The following KCND3 variants were observed in gnomAD, a reference collection of about 807,000 sequenced individuals.
KCND3 encodes A-type voltage-gated potassium channel KCND3.
Under a neutral mutation model 51.1 loss-of-function variants are expected in KCND3, and 9 were observed. The ratio of observed to expected loss-of-function variants is 0.18; its 90% CI spans 0.11 to 0.31. The LOEUF (loss-of-function observed/expected upper bound fraction) is 0.31, where lower values mean the gene tolerates loss of function less well. Among genes scored for constraint, KCND3 ranks in the 10% least tolerant of loss-of-function variants. KCND3 has a pLI of 1.00. For missense variants in KCND3, 526 were observed against 903.8 expected (o/e 0.58, Z 5.36); for synonymous variants, 349 against 368.0 (o/e 0.95, Z 0.59).
intron 2 of KCND3, among the ~76,000 whole-genome samples, chr1:111,884,620 G>A (rs1203219684): frequency 6.6e-6 from 1 of 152,172 alleles, no homozygotes; most frequent in African/African-American, 2.4e-5. Flanking sequence ...CCCATGAGAG[G>A]AGCAGTCCCC....
chr1:111,793,783 T>A (rs1442656634), intron 2 of KCND3, among the ~76,000 whole-genome samples: 1 of 152,150 alleles, frequency 6.6e-6, no homozygotes, highest in African/African-American at 2.4e-5. Context: ...CTCTGTGGAA[T>A]TTTGAAGAAA....
chr1:111,988,876 T>C (rs1675461625), intron 1 of KCND3: 2 of 152,300 alleles, frequency 1.3e-5, no homozygotes, highest in Admixed American at 1.3e-4. Context: ...CGCAGGAATT[T>C]AGTTGAGTCC....
intron 2 of KCND3, among the ~76,000 whole-genome samples, chr1:111,857,503 C>T (rs911682255): frequency 1.3e-5 from 2 of 152,154 alleles, no homozygotes; most frequent in Non-Finnish European, 2.9e-5. Context: ...AGTAAATACC[C>T]GTCGCTTATG....
chr1:111,880,078 G>A (rs180920338), intron 2 of KCND3, among the ~76,000 whole-genome samples: 178 of 152,290 alleles, frequency 1.2e-3, no homozygotes, highest in African/African-American at 4.0e-3. Flanking sequence ...CTATAGTAGC[G>A]CTATATACAC....
intron 2 of KCND3, among the ~76,000 whole-genome samples, chr1:111,799,331 CTAAAAATAAAGCA>C (rs987474864): frequency 6.6e-6 from 1 of 152,096 alleles, no homozygotes; most frequent in African/African-American, 2.4e-5. Flanking sequence ...GAAATGTTTT[CTAAAAATAAAGCA>C]TAAAATCACA....
intron 2 of KCND3, among the ~76,000 whole-genome samples, chr1:111,965,822 C>T (rs538665581): frequency 2.6e-4 from 40 of 152,206 alleles, no homozygotes; most frequent in South Asian, 1.0e-3. Flanking sequence ...CATGTGCAGG[C>T]GCCTCTCCCT....
intron 2 of KCND3, among the ~76,000 whole-genome samples, chr1:111,886,035 C>A (rs547099409): frequency 6.2e-4 from 94 of 152,310 alleles, no homozygotes; most frequent in Non-Finnish European, 1.1e-3. Flanking sequence ...AAAAACAGAA[C>A]TCAACCTATA....
At chr1:111,879,726 T>C (rs189200535) in intron 2 of KCND3, among the ~76,000 whole-genome samples, 4 of 152,356 alleles carry the variant, frequency 2.6e-5, no homozygotes, top group African/African-American at 9.6e-5. Context: ...AGGGTACCAC[T>C]ATGAGTGTCT....
intron 2 of KCND3, among the ~76,000 whole-genome samples, chr1:111,792,074 A>T (rs1168237678): frequency 6.6e-6 from 1 of 152,214 alleles, no homozygotes; most frequent in Non-Finnish European, 1.5e-5. Flanking sequence ...ACACTGATTA[A>T]CTGGATCATG....
chr1:111,799,073 C>T (rs1467759249), intron 2 of KCND3, among the ~76,000 whole-genome samples: 1 of 152,098 alleles, frequency 6.6e-6, no homozygotes, highest in South Asian at 2.1e-4. Flanking sequence ...AGTTGGGCCT[C>T]GAAATGGGCT....
chr1:111,789,773 T>C lies in KCND3; in HGVS notation c.1107-2667A>G, dbSNP rs115909036. Reference sequence around the variant, plus strand: ...ATCTTGCCAAATTAACCTTATTTCTTGTTTTGACAGTGAGGTTAACTGGTT... The same window carrying C: ...ATCTTGCCAAATTAACCTTATTTCTCGTTTTGACAGTGAGGTTAACTGGTT... On this transcript the variant is annotated intron_variant, in intron 2 of 7. Coordinates refer to ENST00000302127, the MANE Select transcript of KCND3 (RefSeq NM_001378969.1). Among the ~76,000 whole-genome samples the C allele has an allele frequency of 1.9e-3, 291 of 152,346 alleles. 1 individual carries two copies. The highest frequency in any genetic ancestry group is 6.7e-3 in the African/African-American group (280 of 41,586).
intron 2 of KCND3, among the ~76,000 whole-genome samples, chr1:111,907,924 C>T (rs1670722810): frequency 6.6e-6 from 1 of 152,156 alleles, no homozygotes; most frequent in Admixed American, 6.5e-5. Flanking sequence ...CTCCAGAACA[C>T]ACTGCCTGTC....
At chr1:111,941,389 G>A (rs562916100) in intron 2 of KCND3, among the ~76,000 whole-genome samples, 2 of 152,150 alleles carry the variant, frequency 1.3e-5, no homozygotes, top group South Asian at 4.2e-4. Context: ...AGGTCTTCAG[G>A]GATATATAAT....
At chr1:111,912,718 A>G (rs1359250313) in intron 2 of KCND3, among the ~76,000 whole-genome samples, 1 of 152,180 alleles carries the variant, frequency 6.6e-6, no homozygotes, top group Non-Finnish European at 1.5e-5. Flanking sequence ...TTTGTGTCTT[A>G]GTTTTTAAAA....
intron 3 of KCND3, among the ~76,000 whole-genome samples, chr1:111,784,529 G>T (rs1174464695): frequency 6.6e-6 from 1 of 152,196 alleles, no homozygotes; most frequent in Non-Finnish European, 1.5e-5. Flanking sequence ...AACCAGTCAT[G>T]GGAAGAGGAT....
At chr1:111,855,166 A>G (rs1362860046) in intron 2 of KCND3, among the ~76,000 whole-genome samples, 4 of 152,014 alleles carry the variant, frequency 2.6e-5, no homozygotes, top group African/African-American at 9.7e-5. Context: ...CCAGACTGAA[A>G]CCTCACAACC....
At chr1:111,816,959 A>G (rs995514154) in intron 2 of KCND3, among the ~76,000 whole-genome samples, 1 of 152,178 alleles carries the variant, frequency 6.6e-6, no homozygotes, top group Non-Finnish European at 1.5e-5. Context: ...GCATCTGCCT[A>G]CACACCTGGA....
chr1:111,886,685 C>T (rs1669585050), intron 2 of KCND3, among the ~76,000 whole-genome samples: 1 of 152,250 alleles, frequency 6.6e-6, no homozygotes, highest in Admixed American at 6.5e-5. Context: ...AGCACTTTCT[C>T]TGCATTATTT....
intron 2 of KCND3, among the ~76,000 whole-genome samples, chr1:111,827,631 A>G (rs747176337): frequency 6.6e-6 from 1 of 152,192 alleles, no homozygotes; most frequent in Non-Finnish European, 1.5e-5. Context: ...TAACAATCCT[A>G]TGAGGCTGGT....
Sources: allele counts gnomAD v4.1 joint callset (sites outside exome capture counted in the v4.1 genomes callset), GRCh38; gene constraint gnomAD v4.1.1; transcripts MANE v1.5; gene names NCBI Gene and HGNC (gene_info 2026-07-23, HGNC 2026-07-21).